The following PPP6R1 variants were observed in gnomAD, a reference collection of about 807,000 sequenced individuals.
PPP6R1 encodes protein phosphatase 6 regulatory subunit 1.
In PPP6R1, 39 loss-of-function variants were observed where a neutral mutation model predicts 104.6. The observed-to-expected ratio is 0.37, with a 90% CI of 0.29 to 0.49. PPP6R1 has a LOEUF of 0.49. Ranked by LOEUF, PPP6R1 falls within the 20% of genes least tolerant of loss-of-function variation. PPP6R1 has a pLI of 0.98. For missense variants in PPP6R1, 1,181 were observed against 1,155.8 expected (o/e 1.02, Z -0.32); for synonymous variants, 549 against 479.0 (o/e 1.15, Z -1.91).
chr19:55,239,320 G>C (rs887807807), intron 15 of PPP6R1, 85 bp downstream of exon 15: 19 of 1,327,242 alleles, frequency 1.4e-5, no homozygotes, highest in Non-Finnish European at 1.6e-5. Context: ...GGGCATGTAG[G>C]TGCGTGCAGG....
chr19:55,251,902 G>A (rs1314302350), intron 1 of PPP6R1, among the ~76,000 whole-genome samples: 2 of 152,048 alleles, frequency 1.3e-5, no homozygotes, highest in African/African-American at 4.8e-5. Context: ...CCGGCCTAAG[G>A]CTGTGGCGAG....
chr19:55,239,959 G>GC, intron 12 of PPP6R1, 40 bp downstream of exon 12: 2 of 1,612,018 alleles, frequency 1.2e-6, no homozygotes, highest in Non-Finnish European at 8.5e-7. Flanking sequence ...GGGGCTTCAA[G>GC]CCCCCCACCT....
chr19:55,236,928 A>G lies in PPP6R1; in HGVS notation c.1794T>C (p.Asn598=). 6.2e-7 allele frequency: 1 copy of G among 1,613,324 alleles called. No homozygotes were observed. Among genetic ancestry groups the G allele is most frequent in the Non-Finnish European group, 8.5e-7 (1 of 1,179,236 alleles). ...DKTANITFSL[N]ADDENPNANL... is the part of the protein sequence containing the mutation. Reference sequence around the variant, plus strand: ...CAGTACTCACGTTCTCATCGTCAGCATTGAGGGAGAAGGTGATGTTGGCTG... The same window carrying G: ...CAGTACTCACGTTCTCATCGTCAGCGTTGAGGGAGAAGGTGATGTTGGCTG... The change falls in exon 16 of 24, where the codon AAT becomes AAC. Residue 598 remains asparagine, a synonymous_variant. Transcript: ENST00000412770.
At chr19:55,232,616 CA>C (rs75012669) in intron 17 of PPP6R1, 66,850 of 183,832 alleles carry the variant, frequency 0.36, 12,968 homozygotes, top group East Asian at 0.69. Flanking sequence ...ACCCTCTGGA[CA>C]GAGGCTTCAC....
At chr19:55,257,458 T>G (rs1396940694) in intron 1 of PPP6R1, among the ~76,000 whole-genome samples, 1 of 152,146 alleles carries the variant, frequency 6.6e-6, no homozygotes, top group Non-Finnish European at 1.5e-5. Context: ...GAGGTCCCAT[T>G]CGAGGCCTGG....
At chr19:55,249,427 G>A (rs1345888478) in intron 1 of PPP6R1, among the ~76,000 whole-genome samples, 1 of 152,146 alleles carries the variant, frequency 6.6e-6, no homozygotes, top group Non-Finnish European at 1.5e-5. Flanking sequence ...TTTTGGTAGA[G>A]ATGGGATTTC....
intron 10 of PPP6R1, 75 bp from the exon 11 acceptor site, chr19:55,240,375 G>T: frequency 7.1e-7 from 1 of 1,414,572 alleles, no homozygotes; most frequent in Non-Finnish European, 9.7e-7. Flanking sequence ...TGCAGCAGGG[G>T]TCCCTTCCTC....
At chr19:55,228,760 G>C, downstream of PPP6R1, 1 of 1,612,458 alleles carries the variant, frequency 6.2e-7, no homozygotes, top group Admixed American at 1.7e-5. Flanking sequence ...GATAGCCCCA[G>C]AGCGACCTAA....
intron 17 of PPP6R1, chr19:55,232,837 C>G (rs1195813709): frequency 6.6e-6 from 1 of 152,282 alleles, no homozygotes; most frequent in Non-Finnish European, 1.5e-5. Flanking sequence ...CAAAGTAACA[C>G]TAAAACTAAG....
intron 21 of PPP6R1, 72 bp from the exon 22 acceptor site, chr19:55,230,956 C>T: frequency 7.6e-7 from 1 of 1,312,970 alleles, no homozygotes. Context: ...CACATCCCAC[C>T]CGACTGAAGT....
intron 1 of PPP6R1, among the ~76,000 whole-genome samples, chr19:55,250,486 C>A (rs574480369): frequency 2.0e-5 from 3 of 152,306 alleles, no homozygotes; most frequent in South Asian, 4.1e-4. Context: ...CTAGCCCTGG[C>A]CACAGTGACC....
chr19:55,241,629 C>G lies in PPP6R1; in HGVS notation c.856G>C (p.Val286Leu). 6.3e-7 allele frequency: 1 copy of G among 1,577,474 alleles called. No homozygotes were observed. The highest frequency in any genetic ancestry group is 1.2e-5 in the South Asian group (1 of 85,876). ...CTGCTGAAGAAGCTGTTCACGGTCA[C>G]GGACTCGGACCTGCAGCAGGGCAGG... is the stretch of plus-strand genomic sequence containing the variant. ...LEPRRPRSES[V>L]TVNSFFSSVD... The change falls in exon 8 of 24, where the codon GTG becomes CTG. Residue 286 changes from valine to leucine, a missense_variant. Val to Leu is a conservative substitution (Grantham distance 32). Around this residue, in one of 2 missense-constraint regions of PPP6R1, gnomAD observed 1,042 missense variants for 955.6 expected, o/e 1.09. Transcript: ENST00000412770. This position sits in a 1 kb window ranked among gnomAD's most constrained non-coding sequence, Gnocchi z 5.4.
chr19:55,250,920 C>T (rs2087548321), intron 1 of PPP6R1, among the ~76,000 whole-genome samples: 1 of 152,224 alleles, frequency 6.6e-6, no homozygotes, highest in Non-Finnish European at 1.5e-5. Context: ...ACCGCCCTCT[C>T]ATCGGGTCAG....
At position 55,230,762 on chromosome 19, in the gene PPP6R1, C is replaced by A; in HGVS notation, c.2570+12G>T. The A allele has an allele frequency of 1.3e-6, 2 of 1,507,062 alleles. No individual in the cohort carries two copies. Among genetic ancestry groups the A allele is most frequent in the Non-Finnish European group, 1.8e-6 (2 of 1,118,710 alleles). 93.4% of individuals were successfully genotyped at this position (1,507,062 alleles called of 1,614,324 possible). A position where few individuals can be genotyped will look rare whatever the true frequency, so the allele number is the denominator to read the frequency against. On this transcript the variant is annotated intron_variant, in intron 22 of 23. Transcript: ENST00000412770. ...CACCCCCACCCCCCCGCCCTGCTGC[C>A]CTGGTGCTCACCTCTGGCTTTGGGG...
In PPP6R1 at chr19:55,236,735, G is replaced by A; in HGVS notation, c.1896C>T (p.Ala632=). 6.2e-7 allele frequency: 1 copy of A among 1,613,902 alleles called. No individual in the cohort carries two copies. The highest frequency in any genetic ancestry group is 8.5e-7 in the Non-Finnish European group (1 of 1,179,850). The change falls in exon 17 of 24, where the codon GCC becomes GCT. Residue 632 remains alanine (A), a synonymous_variant. Coordinates refer to ENST00000412770, the MANE Select transcript of PPP6R1 (RefSeq NM_014931.4). ...CTCCATCAGACTCCCCTGAGCCCTG[G>A]GCCTCTTCCTCGTCCTCCTCTTCCT... ...DDEEEEDEEE[A]QGSGESDGED...
chr19:55,234,753 C>A (rs949294817), intron 17 of PPP6R1, among the ~76,000 whole-genome samples: 1 of 152,172 alleles, frequency 6.6e-6, no homozygotes, highest in Non-Finnish European at 1.5e-5. Flanking sequence ...ATGGCACTGC[C>A]CCACTGCACG....
At chr19:55,237,063 C>T in intron 15 of PPP6R1, 93 bp from the exon 16 acceptor site, 1 of 1,334,338 alleles carries the variant, frequency 7.5e-7, no homozygotes, top group Non-Finnish European at 1.1e-6. Flanking sequence ...CAACACAGAG[C>T]TGACCCTCAT....
intron 17 of PPP6R1, among the ~76,000 whole-genome samples, chr19:55,235,803 C>T (rs534088787): frequency 3.3e-5 from 5 of 151,860 alleles, no homozygotes; most frequent in Admixed American, 2.6e-4. Flanking sequence ...CAGGCGTGAG[C>T]CACCGTGCCC....
intron 15 of PPP6R1, among the ~76,000 whole-genome samples, chr19:55,237,765 T>C (rs1428483281): frequency 6.6e-6 from 1 of 152,218 alleles, no homozygotes; most frequent in African/African-American, 2.4e-5. Flanking sequence ...GGGCACACAG[T>C]GGGTCTAGGG....
Sources: allele counts gnomAD v4.1 joint callset (sites outside exome capture counted in the v4.1 genomes callset), GRCh38; gene constraint gnomAD v4.1.1; regional missense constraint gnomAD v4.1.1; non-coding constraint Gnocchi (gnomAD v3.1); transcripts MANE v1.5; gene names NCBI Gene and HGNC (gene_info 2026-07-23, HGNC 2026-07-21).